Variants in CDC14A observed in about 807,000 individuals in gnomAD.
The protein encoded by CDC14A is dual specificity protein phosphatase CDC14A.
CDC14A carries 53 observed loss-of-function variants against 74.4 expected under a neutral mutation model. The ratio of observed to expected loss-of-function variants is 0.71; its 90% confidence interval spans 0.57 to 0.89. The LOEUF (loss-of-function observed/expected upper bound fraction) is 0.89, where lower values mean the gene tolerates loss of function less well. Among genes scored for constraint, CDC14A ranks in the 40% least tolerant of loss-of-function variants. CDC14A has a pLI of 0.00. For missense variants in CDC14A, 646 were observed against 713.7 expected (o/e 0.91, Z 1.08); for synonymous variants, 247 against 258.4 (o/e 0.96, Z 0.43).
chr1:100,409,593 C>G (rs1156918534), intron 4 of CDC14A, among the ~76,000 whole-genome samples: 1 of 152,132 alleles, frequency 6.6e-6, no homozygotes, highest in Non-Finnish European at 1.5e-5. Flanking sequence ...ATAAATTTGC[C>G]AAAACAAAGG....
chr1:100,503,797 T>C (rs1648993625), intron 15 of CDC14A, among the ~76,000 whole-genome samples: 1 of 152,220 alleles, frequency 6.6e-6, no homozygotes, highest in Non-Finnish European at 1.5e-5. Flanking sequence ...GACATGTGAT[T>C]ATGGTGTAGG....
chr1:100,434,342 C>A (rs2101108511), intron 5 of CDC14A, among the ~76,000 whole-genome samples: 1 of 152,126 alleles, frequency 6.6e-6, no homozygotes, highest in East Asian at 1.9e-4. Flanking sequence ...TAGGAAGAGC[C>A]CAGTGGCTAC....
At chr1:100,496,241 T>C (rs1647781984) in intron 13 of CDC14A, among the ~76,000 whole-genome samples, 192 bp downstream of exon 13, 1 of 146,814 alleles carries the variant, frequency 6.8e-6, no homozygotes, top group Non-Finnish European at 1.5e-5. Context: ...TTTTTTTTGC[T>C]GGCATGCCCA....
intron 5 of CDC14A, among the ~76,000 whole-genome samples, chr1:100,433,581 A>T (rs1233177907): frequency 6.6e-6 from 1 of 152,166 alleles, no homozygotes; most frequent in African/African-American, 2.4e-5. Flanking sequence ...CTTTTCTATC[A>T]GCTCTTTTTG....
At chr1:100,511,467 T>C (rs79973300) in intron 15 of CDC14A, among the ~76,000 whole-genome samples, 2,506 of 152,284 alleles carry the variant, frequency 0.016, 64 homozygotes, top group African/African-American at 0.058. Flanking sequence ...CCTTAATGAT[T>C]GTCCTTACAT....
At chr1:100,479,433 CA>C (rs1669237786) in intron 10 of CDC14A, among the ~76,000 whole-genome samples, 1 of 152,132 alleles carries the variant, frequency 6.6e-6, no homozygotes, top group Admixed American at 6.5e-5. Flanking sequence ...TCCCCGACCC[CA>C]CCTTCTGTGA....
At chr1:100,392,974 A>G (rs1431016908) in intron 4 of CDC14A, 4 of 1,137,762 alleles carry the variant, frequency 3.5e-6, no homozygotes, top group Non-Finnish European at 5.0e-6. Context: ...TTAACAGTTC[A>G]TTAAAAGTTC....
intron 3 of CDC14A, among the ~76,000 whole-genome samples, chr1:100,388,857 A>T (rs1422128788): frequency 6.6e-6 from 1 of 152,078 alleles, no homozygotes; most frequent in East Asian, 1.9e-4. Context: ...GGCCTTACAT[A>T]CTAATTTTTA....
At chr1:100,513,080 A>G (rs1649916610) in intron 15 of CDC14A, among the ~76,000 whole-genome samples, 1 of 152,184 alleles carries the variant, frequency 6.6e-6, no homozygotes, top group South Asian at 2.1e-4. Flanking sequence ...TACTTTCAGT[A>G]TTGTGAAACC....
chr1:100,397,992 G>A (rs1658762847), intron 4 of CDC14A, among the ~76,000 whole-genome samples: 2 of 152,322 alleles, frequency 1.3e-5, no homozygotes, highest in Non-Finnish European at 2.9e-5. Flanking sequence ...TGGCTTAGTG[G>A]TTGTGAGCAA....
intron 2 of CDC14A, among the ~76,000 whole-genome samples, chr1:100,368,186 G>A (rs1160528674): frequency 6.6e-6 from 1 of 152,108 alleles, no homozygotes; most frequent in Admixed American, 6.5e-5. Context: ...TTTTCATCTT[G>A]ATCAGTATTG....
rs770925541 is a variant in CDC14A, at chr1:100,496,014, A to T, written c.1263A>T (p.Thr421=). The change falls in exon 13 of 16, where the codon ACA becomes ACT. Residue 421 remains threonine (T), a synonymous_variant. Transcript: ENST00000336454. ...SPSCAFRSDD[T]KGHPRAVSQP... ...TTGATTTCCGCAGGTCAGATGATACAAAAGGACATCCAAGAGCAGTGTCCC... is the reference window on the plus strand; with the variant it reads ...TTGATTTCCGCAGGTCAGATGATACTAAAGGACATCCAAGAGCAGTGTCCC... The T allele has an allele frequency of 6.2e-6, 10 of 1,613,666 alleles. No homozygotes were observed. The Admixed American group carries it at 1.2e-4, about 19-fold the overall frequency.
At chr1:100,473,744 T>A (rs923490955) in intron 10 of CDC14A, among the ~76,000 whole-genome samples, 5 of 151,700 alleles carry the variant, frequency 3.3e-5, no homozygotes, top group Non-Finnish European at 7.4e-5. Flanking sequence ...TATATGGGAG[T>A]GTGTGTGTGT....
chr1:100,494,776 G>A, intron 11 of CDC14A, 42 bp from the exon 12 acceptor site: 1 of 1,137,174 alleles, frequency 8.8e-7, no homozygotes, highest in East Asian at 2.4e-5. Flanking sequence ...CCTATATAAA[G>A]CCAAATTTTG....
intron 4 of CDC14A, among the ~76,000 whole-genome samples, chr1:100,398,318 C>A (rs1483408096): frequency 6.6e-6 from 1 of 152,116 alleles, no homozygotes; most frequent in Non-Finnish European, 1.5e-5. Flanking sequence ...GGGCTACCTC[C>A]CTGATGATCG....
intron 11 of CDC14A, chr1:100,485,339 T>C: frequency 1.0e-6 from 1 of 977,480 alleles, no homozygotes; most frequent in Non-Finnish European, 1.2e-6. Flanking sequence ...TGAAGCTAAG[T>C]ATCTGGTTTA....
chr1:100,357,704 C>A (rs1383502032), intron 2 of CDC14A, among the ~76,000 whole-genome samples: 1 of 149,256 alleles, frequency 6.7e-6, no homozygotes, highest in African/African-American at 2.5e-5. Flanking sequence ...AACTGAAAAG[C>A]CAGCCTGCCA....
chr1:100,389,225 C>T (rs1176470906), intron 3 of CDC14A, among the ~76,000 whole-genome samples: 2 of 146,972 alleles, frequency 1.4e-5, no homozygotes, highest in East Asian at 2.0e-4. Flanking sequence ...AAGGGTACAG[C>T]CATTTTCAGA....
In CDC14A at chr1:100,402,256, C is replaced by T. The variant is rs1659366399; in HGVS notation, c.309+11432C>T. 2.0e-5 allele frequency among the ~76,000 whole-genome samples: 3 copies of T among 152,152 alleles called. No homozygotes were observed. The South Asian group carries it at 6.2e-4, about 32-fold the overall frequency. On this transcript the variant is annotated intron_variant, in intron 4 of 15. Transcript: ENST00000336454. ...TGAGAGCATGTTCTGTACATGTCTA[C>T]CTAGGCTTCACCTGGCATTTACCCG...
Sources: gnomAD v4.1 joint callset for allele counts (sites outside exome capture counted in the v4.1 genomes callset) on GRCh38, gnomAD v4.1.1 for gene constraint, MANE v1.5 for transcripts, NCBI Gene and HGNC (gene_info 2026-07-23, HGNC 2026-07-21) for gene names.